LRRC3B: variants seen among roughly 807,000 people sequenced by gnomAD.
LRRC3B encodes leucine-rich repeat-containing protein 3B.
In LRRC3B, 2 loss-of-function variants were observed where a neutral mutation model predicts 12.8. That is an observed-to-expected ratio of 0.16 (90% CI 0.06 to 0.49). The LOEUF is 0.49. Ranked by LOEUF, LRRC3B falls within the 20% of genes least tolerant of loss-of-function variation. The pLI is 0.96. For synonymous variants in LRRC3B, 132 were observed against 122.0 expected, an observed-to-expected ratio of 1.08 and a Z score of -0.54; for missense variants, 189 against 319.4, an observed-to-expected ratio of 0.59 and a Z score of 3.11.
chr3:26,651,182 T>A (rs1221689620), intron 1 of LRRC3B, among the ~76,000 whole-genome samples: 1 of 152,232 alleles, frequency 6.6e-6, no homozygotes, highest in Non-Finnish European at 1.5e-5. Context: ...TGACTTACTC[T>A]GAGACTCATA....
At chr3:26,671,413 G>GAGGGAGAGAGAGAGAC (rs9331540) in intron 1 of LRRC3B, among the ~76,000 whole-genome samples, 2 of 99,388 alleles carry the variant, frequency 2.0e-5, no homozygotes, top group Non-Finnish European at 3.9e-5. Context: ...GAGAGAGAGA[G>GAGGGAGAGAGAGAGAC]ACGAAGTCTT....
intron 1 of LRRC3B, among the ~76,000 whole-genome samples, chr3:26,701,827 A>T (rs1476559935): frequency 6.6e-6 from 1 of 151,900 alleles, no homozygotes; most frequent in Non-Finnish European, 1.5e-5. Context: ...CTCACAGAAC[A>T]TGTGTCAGCC....
chr3:26,634,035 A>G (rs1189143909), intron 1 of LRRC3B, among the ~76,000 whole-genome samples: 1 of 152,254 alleles, frequency 6.6e-6, no homozygotes, highest in Admixed American at 6.5e-5. Flanking sequence ...TATGCAGGCT[A>G]TATTCAGCTT....
At chr3:26,705,982 TCTAAGTCTTTTTGCACTG>T (rs1700576371) in intron 1 of LRRC3B, among the ~76,000 whole-genome samples, 1 of 151,686 alleles carries the variant, frequency 6.6e-6, no homozygotes, top group African/African-American at 2.4e-5. Flanking sequence ...ATCCTGGACA[TCTAAGTCTTTTTGCACTG>T]CTAAAGCAAT....
At chr3:26,689,191 A>G (rs1394724778) in intron 1 of LRRC3B, among the ~76,000 whole-genome samples, 2 of 152,216 alleles carry the variant, frequency 1.3e-5, no homozygotes, top group Non-Finnish European at 2.9e-5. Context: ...GTTGGAGACA[A>G]AGTAGAGGAA....
At chr3:26,670,090 C>G (rs1248548369) in intron 1 of LRRC3B, among the ~76,000 whole-genome samples, 1 of 152,184 alleles carries the variant, frequency 6.6e-6, no homozygotes, top group African/African-American at 2.4e-5. Context: ...ATGCTAATCA[C>G]TTTTTTTCTT....
At chr3:26,701,594 T>C (rs1700456169) in intron 1 of LRRC3B, among the ~76,000 whole-genome samples, 1 of 152,112 alleles carries the variant, frequency 6.6e-6, no homozygotes, top group African/African-American at 2.4e-5. Context: ...TAGGAAATAG[T>C]TTCCCATCCC....
intron 1 of LRRC3B, among the ~76,000 whole-genome samples, chr3:26,643,015 C>CAAAAAAAAAAAAAA (rs745665933): frequency 1.4e-5 from 2 of 142,534 alleles, no homozygotes; most frequent in African/African-American, 2.7e-5. Flanking sequence ...GACTCCGTTT[C>CAAAAAAAAAAAAAA]AAAAAAAAAA....
At position 26,671,369 on chromosome 3, in the gene LRRC3B, T is replaced by TAGAGAGAG. The variant is rs773929815; in HGVS notation, c.-160-38143_-160-38142insGAGAGAGA. Among the ~76,000 whole-genome samples the TAGAGAGAG allele has an allele frequency of 5.5e-3, 209 of 38,172 alleles. 1 individual carries two copies. Among genetic ancestry groups the TAGAGAGAG allele is most frequent in the Middle Eastern group, 0.023 (1 of 44 alleles). The allele number at this position is 38,172 out of a possible 152,430, so 25.0% of individuals were successfully genotyped here. A position where few individuals can be genotyped will look rare whatever the true frequency, so the allele number is the denominator to read the frequency against. ...ATGTGTGTATATATATATATATATA[T>TAGAGAGAG]ATATAGAGAGAGAGAGAGAGAGAGA... is the stretch of plus-strand genomic sequence containing the variant. On this transcript the variant is annotated intron_variant, in intron 1 of 1. Transcript: ENST00000396641.
intron 1 of LRRC3B, chr3:26,694,791 C>T (rs1700268361): frequency 6.6e-6 from 1 of 152,190 alleles, no homozygotes; most frequent in African/African-American, 2.4e-5. Flanking sequence ...CACTATGTCT[C>T]ATATACTTTC....
intron 1 of LRRC3B, among the ~76,000 whole-genome samples, chr3:26,629,100 C>T (rs559038022): frequency 6.6e-6 from 1 of 152,150 alleles, no homozygotes; most frequent in South Asian, 2.1e-4. Context: ...TATTCTCAAC[C>T]ATGGAGTAAT....
intron 1 of LRRC3B, chr3:26,694,838 T>TATCA (rs1700270375): frequency 6.6e-6 from 1 of 152,236 alleles, no homozygotes. Context: ...ATAGGTTGTC[T>TATCA]ATCAATGCCT....
chr3:26,655,403 G>A (rs1699353053), intron 1 of LRRC3B, among the ~76,000 whole-genome samples: 1 of 152,138 alleles, frequency 6.6e-6, no homozygotes. Flanking sequence ...TCTATATCTT[G>A]AGTTACTTGC....
At chr3:26,677,767 C>G (rs892897913) in intron 1 of LRRC3B, among the ~76,000 whole-genome samples, 15 of 150,256 alleles carry the variant, frequency 1.0e-4, no homozygotes, top group Admixed American at 9.3e-4. Flanking sequence ...TGATAAATAG[C>G]CATTTTTTTT....
chr3:26,649,411 G>A (rs1699219169), intron 1 of LRRC3B, among the ~76,000 whole-genome samples: 1 of 152,112 alleles, frequency 6.6e-6, no homozygotes, highest in South Asian at 2.1e-4. Flanking sequence ...AGAATATTCA[G>A]CATGAAATAC....
At chr3:26,706,804 A>AAAGT (rs1700600596) in intron 1 of LRRC3B, among the ~76,000 whole-genome samples, 1 of 152,220 alleles carries the variant, frequency 6.6e-6, no homozygotes, top group African/African-American at 2.4e-5. Flanking sequence ...TGACTTTTCC[A>AAAGT]AAGTCCACTA....
intron 1 of LRRC3B, among the ~76,000 whole-genome samples, chr3:26,629,971 C>CAA (rs35195778): frequency 9.2e-4 from 86 of 93,358 alleles, no homozygotes; most frequent in African/African-American, 2.8e-3. Flanking sequence ...AGAAGCATGG[C>CAA]AAAAAAAAAA....
intron 1 of LRRC3B, among the ~76,000 whole-genome samples, chr3:26,662,970 T>A (rs531678556): frequency 2.0e-5 from 3 of 152,288 alleles, no homozygotes; most frequent in Admixed American, 2.0e-4. Context: ...AGGAGGTGCC[T>A]TCTGGGAATC....
At chr3:26,681,858 AC>A (rs1699977805) in intron 1 of LRRC3B, among the ~76,000 whole-genome samples, 1 of 152,052 alleles carries the variant, frequency 6.6e-6, no homozygotes, top group African/African-American at 2.4e-5. Flanking sequence ...ACATTCCAAA[AC>A]CCCCAGCAGA....
Sources: allele counts gnomAD v4.1 joint callset (sites outside exome capture counted in the v4.1 genomes callset), GRCh38; gene constraint gnomAD v4.1.1; transcripts MANE v1.5; gene names NCBI Gene and HGNC (gene_info 2026-07-23, HGNC 2026-07-21).